Variants in SHISA6 observed in about 807,000 individuals in gnomAD.
SHISA6 encodes the protein shisa family member 6, also known as protein shisa-6.
A neutral mutation model predicts 47.9 loss-of-function variants in SHISA6; 22 were observed. The ratio of observed to expected loss-of-function variants is 0.46; its 90% CI spans 0.33 to 0.66. The LOEUF is 0.66. SHISA6 is among the 30% of genes least tolerant of loss of function. The pLI, the probability that SHISA6 is intolerant of heterozygous loss-of-function variation, is 0.02. For synonymous variants in SHISA6, 388 were observed against 337.8 expected (o/e 1.15, Z -1.63); for missense variants, 680 against 764.6 (o/e 0.89, Z 1.30).
At chr17:11,366,865 C>T (rs1912468932) in intron 2 of SHISA6, among the ~76,000 whole-genome samples, 1 of 152,128 alleles carries the variant, frequency 6.6e-6, no homozygotes, top group African/African-American at 2.4e-5. Flanking sequence ...TTAAATTTTG[C>T]CCCCATAAAA....
intron 3 of SHISA6, among the ~76,000 whole-genome samples, chr17:11,532,739 C>CTTTTTTTT (rs71142217): frequency 9.9e-3 from 705 of 71,198 alleles, no homozygotes; most frequent in East Asian, 0.012. Flanking sequence ...TCTATCAGGG[C>CTTTTTTTT]TTTTTTTTTT....
At chr17:11,352,206 A>G (rs1020374660) in intron 2 of SHISA6, among the ~76,000 whole-genome samples, 1 of 152,134 alleles carries the variant, frequency 6.6e-6, no homozygotes, top group East Asian at 1.9e-4. Flanking sequence ...GTAATTTTAC[A>G]TGGTGGGAAA....
chr17:11,305,918 T>TG (rs1567567110), intron 2 of SHISA6, among the ~76,000 whole-genome samples: 2 of 152,148 alleles, frequency 1.3e-5, no homozygotes, highest in Non-Finnish European at 2.9e-5. Context: ...AAGGCATTAT[T>TG]TGTGGGCAGT....
intron 3 of SHISA6, among the ~76,000 whole-genome samples, chr17:11,423,239 G>GTGTGTGTA (rs71367331): frequency 2.2e-5 from 3 of 134,632 alleles, no homozygotes; most frequent in African/African-American, 5.4e-5. Flanking sequence ...GTGTGTGTGT[G>GTGTGTGTA]TATATATATA....
At chr17:11,469,102 A>G (rs1915878678) in intron 3 of SHISA6, among the ~76,000 whole-genome samples, 1 of 151,368 alleles carries the variant, frequency 6.6e-6, no homozygotes, top group Non-Finnish European at 1.5e-5. Context: ...CATCTGGCCC[A>G]AGCAAAATGA....
At chr17:11,386,273 G>T (rs946047709) in intron 3 of SHISA6, among the ~76,000 whole-genome samples, 17 of 152,182 alleles carry the variant, frequency 1.1e-4, no homozygotes, top group Admixed American at 7.9e-4. Context: ...TACTTGGGAG[G>T]CTGAGACAGG....
chr17:11,474,175 A>G (rs145542490), intron 3 of SHISA6, among the ~76,000 whole-genome samples: 3,310 of 152,076 alleles, frequency 0.022, 113 homozygotes, highest in African/African-American at 0.073. Flanking sequence ...TTACACTCCC[A>G]CCAAGAGTGT....
chr17:11,268,748 A>G (rs1248522328), intron 2 of SHISA6, among the ~76,000 whole-genome samples: 3 of 152,218 alleles, frequency 2.0e-5, no homozygotes, highest in Admixed American at 1.3e-4. Context: ...TCATTGTGGT[A>G]TCCTAGGACC....
At chr17:11,531,324 A>G (rs955910736) in intron 3 of SHISA6, among the ~76,000 whole-genome samples, 2 of 150,708 alleles carry the variant, frequency 1.3e-5, no homozygotes, top group African/African-American at 4.9e-5. Flanking sequence ...CTATGATGCC[A>G]TTGTCCTCCC....
At chr17:11,493,149 C>T (rs1031811977) in intron 3 of SHISA6, among the ~76,000 whole-genome samples, 2 of 152,216 alleles carry the variant, frequency 1.3e-5, no homozygotes, top group African/African-American at 2.4e-5. Context: ...ATTTATATAG[C>T]AGGACCACCT....
At chr17:11,445,853 A>G (rs1915214336) in intron 3 of SHISA6, among the ~76,000 whole-genome samples, 1 of 152,156 alleles carries the variant, frequency 6.6e-6, no homozygotes, top group African/African-American at 2.4e-5. Flanking sequence ...TTTGAAACAG[A>G]GTCTCCTTCT....
At chr17:11,284,003 T>TA (rs1179120292) in intron 2 of SHISA6, among the ~76,000 whole-genome samples, 1 of 152,184 alleles carries the variant, frequency 6.6e-6, no homozygotes, top group Non-Finnish European at 1.5e-5. Flanking sequence ...TGGAAATTCT[T>TA]ACACTTCACA....
At chr17:11,306,614 C>G (rs948756373) in intron 2 of SHISA6, among the ~76,000 whole-genome samples, 24 of 152,172 alleles carry the variant, frequency 1.6e-4, no homozygotes, top group Admixed American at 1.4e-3. Context: ...CTGAAAACTT[C>G]GTTACTTGCT....
chr17:11,266,917 T>C (rs2142149186), intron 2 of SHISA6, among the ~76,000 whole-genome samples: 1 of 152,300 alleles, frequency 6.6e-6, no homozygotes, highest in Middle Eastern at 3.4e-3. Context: ...ACATGCTTTG[T>C]TGGTTTGGGA....
In SHISA6 at chr17:11,558,223, A is replaced by G. The variant is rs2072002831; in HGVS notation, c.1575A>G (p.Arg525=). The G allele has an allele frequency of 6.5e-7, 1 of 1,541,552 alleles. No individual in the cohort carries two copies. The highest frequency in any genetic ancestry group is 8.7e-7 in the Non-Finnish European group (1 of 1,146,952). ...AAKRHAFASR[R]HNTVEQLHYI... ...AGCGTCATGCCTTTGCCTCACGCAG[A>G]CACAACACGGTGGAGCAGCTGCACT... Residue 525 remains arginine, a synonymous_variant, in exon 6 of 6, where the codon AGA becomes AGG. Transcript: ENST00000441885.
intron 3 of SHISA6, among the ~76,000 whole-genome samples, chr17:11,445,838 T>C (rs951205043): frequency 2.0e-5 from 3 of 152,208 alleles, no homozygotes; most frequent in African/African-American, 7.2e-5. Context: ...TTCTTTCTTT[T>C]ATTTTTTGAA....
At chr17:11,495,664 CTGCAAGGA>C (rs1406456590) in intron 3 of SHISA6, among the ~76,000 whole-genome samples, 1 of 152,230 alleles carries the variant, frequency 6.6e-6, no homozygotes, top group Non-Finnish European at 1.5e-5. Context: ...AACAGTCAGA[CTGCAAGGA>C]TGCAAGGCAT....
intron 3 of SHISA6, among the ~76,000 whole-genome samples, chr17:11,434,755 C>T (rs1023313543): frequency 6.6e-6 from 1 of 152,130 alleles, no homozygotes; most frequent in Admixed American, 6.5e-5. Context: ...ACACACTGTT[C>T]TAGTCTCTAT....
In SHISA6 at chr17:11,318,017, C is replaced by G. The variant is rs571830992; in HGVS notation, c.799+54491C>G. Among the ~76,000 whole-genome samples, 211 of 152,246 alleles carry G rather than the reference C, an allele frequency of 1.4e-3. 2 individuals are homozygous for G. Among genetic ancestry groups the G allele is most frequent in the African/African-American group, 4.7e-3 (196 of 41,550 alleles). Reference sequence around the variant, plus strand: ...TACACTTCTGCATTGGATTATTTTGCAGCAAATCACAGACATCACATAATT... The same window carrying G: ...TACACTTCTGCATTGGATTATTTTGGAGCAAATCACAGACATCACATAATT... On this transcript the variant is annotated intron_variant, in intron 2 of 5. Coordinates refer to ENST00000441885, the MANE Select transcript of SHISA6 (RefSeq NM_207386.4).
Sources: allele counts gnomAD v4.1 joint callset (sites outside exome capture counted in the v4.1 genomes callset), GRCh38; gene constraint gnomAD v4.1.1; transcripts MANE v1.5; gene names NCBI Gene and HGNC (gene_info 2026-07-23, HGNC 2026-07-21).